The following COL4A3 variants were observed in gnomAD, a reference collection of about 807,000 sequenced individuals.
COL4A3 encodes collagen type IV alpha 3 chain.
In COL4A3, 135 loss-of-function variants were observed where a neutral mutation model predicts 217.4. That is an observed-to-expected ratio of 0.62 (90% CI 0.54 to 0.72). COL4A3 has a LOEUF of 0.72. COL4A3 is among the 30% of genes least tolerant of loss of function. The probability of loss-of-function intolerance (pLI) is 0.00; values close to 1 mark genes in which losing one functional copy is unlikely to be tolerated. For synonymous variants in COL4A3, 690 were observed against 736.3 expected (o/e 0.94, Z 1.02); for missense variants, 1,868 against 2,119.9 (o/e 0.88, Z 2.33).
In COL4A3 at chr2:227,251,357, C is replaced by G. The variant is rs768853275; in HGVS notation, c.631C>G (p.Pro211Ala). ...GFFGFPGAMG[P>A]RGPKGHMGER... ...CTAGGGCTTTCCAGGAGCCATGGGA[C>G]CTAGAGGACCTAAGGTAGACTACAG... Residue 211 changes from proline to alanine, a missense_variant, in exon 11 of 52, where the codon CCT becomes GCT. By Grantham distance (27) the Pro-to-Ala change is conservative. Around this residue, in one of 2 missense-constraint regions of COL4A3, gnomAD observed 365 missense variants for 333.8 expected, o/e 1.09. Coordinates refer to ENST00000396578, the MANE Select transcript of COL4A3 (RefSeq NM_000091.5). 1.2e-6 allele frequency: 2 copies of G among 1,612,950 alleles called. No individual in the cohort carries two copies. The highest frequency in any genetic ancestry group is 1.1e-5 in the South Asian group (1 of 91,006).
At chr2:227,243,403 A>T (rs903413249) in intron 3 of COL4A3, among the ~76,000 whole-genome samples, 1 of 152,192 alleles carries the variant, frequency 6.6e-6, no homozygotes, top group African/African-American at 2.4e-5. Context: ...TGTTTTCTGC[A>T]TGAAAAAAGT....
rs2070750110 is a variant in COL4A3 at position 227,264,070 on chromosome 2, C to T, written c.1315+126C>T. The T allele has an allele frequency of 1.2e-5, 12 of 1,014,818 alleles. No individual in the cohort carries two copies. The Middle Eastern group carries it at 7.9e-4, about 67-fold the overall frequency. The allele number at this position is 1,014,818 out of a possible 1,614,324, so 62.9% of individuals were successfully genotyped here. On this transcript the variant is annotated intron_variant, in intron 21 of 51. Coordinates refer to ENST00000396578, the MANE Select transcript of COL4A3 (RefSeq NM_000091.5). Reference sequence around the variant, plus strand: ...GTGTGGTTTTTATGAGTTACCTTTCCAATGGTCTTCATTTCACTAACTGTC... The same window carrying T: ...GTGTGGTTTTTATGAGTTACCTTTCTAATGGTCTTCATTTCACTAACTGTC...
intron 1 of COL4A3, among the ~76,000 whole-genome samples, chr2:227,229,884 T>TAA (rs111242341): frequency 6.6e-5 from 10 of 150,750 alleles, no homozygotes; most frequent in Non-Finnish European, 7.4e-5. Context: ...CTGTGTCTAC[T>TAA]AAAAAAAATA....
At position 227,312,077 on chromosome 2, in the gene COL4A3, G is replaced by C; in HGVS notation, c.*207G>C. 2.4e-6 allele frequency: 2 copies of C among 829,332 alleles called. No individual in the cohort carries two copies. The highest frequency in any genetic ancestry group is 3.6e-6 in the Non-Finnish European group (2 of 548,504). 51.4% of individuals were successfully genotyped at this position (829,332 alleles called of 1,614,324 possible). On this transcript the variant is annotated 3_prime_UTR_variant, in exon 52 of 52. Coordinates refer to ENST00000396578, the MANE Select transcript of COL4A3 (RefSeq NM_000091.5). Reference sequence around the variant, plus strand: ...GGTCTCTAATCTGTGCTGTTTCAAAGTTCTCTGTGGCAAAGCAGCAACTAT... The same window carrying C: ...GGTCTCTAATCTGTGCTGTTTCAAACTTCTCTGTGGCAAAGCAGCAACTAT...
Position 227,250,309 on chromosome 2 carries a change from C to T in COL4A3, c.547-831C>T, listed in dbSNP as rs1257907548. 6.6e-6 allele frequency among the ~76,000 whole-genome samples: 1 copy of T among 150,996 alleles called. No homozygotes were observed. The highest frequency in any genetic ancestry group is 1.5e-5 in the Non-Finnish European group (1 of 67,872). Reference sequence around the variant, plus strand: ...GCCTGAGGACAGAATGAGACTCTGTCTCAAAAAAATAGGTAGATAGATAAA... The same window carrying T: ...GCCTGAGGACAGAATGAGACTCTGTTTCAAAAAAATAGGTAGATAGATAAA... On this transcript the variant is annotated intron_variant, in intron 9 of 51. Coordinates refer to ENST00000396578, the MANE Select transcript of COL4A3 (RefSeq NM_000091.5). This position sits in a 1 kb window ranked among gnomAD's most constrained non-coding sequence, Gnocchi z 4.1.
At chr2:227,255,966 G>A (rs369344641) in intron 15 of COL4A3, 60 bp from the exon 16 acceptor site, 72 of 1,532,216 alleles carry the variant, frequency 4.7e-5, no homozygotes, top group South Asian at 1.7e-4. Flanking sequence ...TAAGATTTCC[G>A]TATTTGTAAA....
intron 33 of COL4A3, 132 bp from the exon 34 acceptor site, chr2:227,284,079 T>C: frequency 7.8e-7 from 1 of 1,273,972 alleles, no homozygotes. Flanking sequence ...GGGAAACTAT[T>C]TATCAAGTTC....
rs2070431377 is a variant in COL4A3, at chr2:227,259,811, T to C, written c.1048T>C (p.Tyr350His). ...FRGPTEYYDT[Y>H]QEKGDEGTPG... is the part of the protein sequence containing the mutation. Reference sequence around the variant, plus strand: ...CTCTAAGACAGAATATTATGACACATACCAGGAAAAGGGAGATGAAGGCAC... The same window carrying C: ...CTCTAAGACAGAATATTATGACACACACCAGGAAAAGGGAGATGAAGGCAC... The change falls in exon 19 of 52, where the codon TAC becomes CAC. Residue 350 changes from tyrosine (Y) to histidine (H), a missense_variant. Tyr to His is a moderately conservative substitution (Grantham distance 83, BLOSUM62 2). Around this residue, in one of 2 missense-constraint regions of COL4A3, gnomAD observed 1,503 missense variants for 1,786.1 expected, o/e 0.84. Transcript: ENST00000396578. The C allele has an allele frequency of 5.0e-6, 8 of 1,612,666 alleles. No homozygotes were observed. The highest frequency in any genetic ancestry group is 1.7e-4 in the Middle Eastern group (1 of 6,060).
chr2:227,184,989 C>T (rs1431920211), intron 1 of COL4A3, among the ~76,000 whole-genome samples: 2 of 148,910 alleles, frequency 1.3e-5, no homozygotes, highest in African/African-American at 4.9e-5. Flanking sequence ...GCAAGCTCCG[C>T]CTCCCAGGTT....
intron 1 of COL4A3, among the ~76,000 whole-genome samples, chr2:227,198,013 T>C (rs10498215): frequency 0.056 from 8,568 of 152,302 alleles, 254 homozygotes; most frequent in Middle Eastern, 0.078. Flanking sequence ...GGAAATCGTG[T>C]TTATGCAGAG....
At chr2:227,249,230 A>ATATATTTTTTTTTTTTTTTTTTTTT in intron 9 of COL4A3, among the ~76,000 whole-genome samples, 1 of 14,690 alleles carries the variant, frequency 6.8e-5, no homozygotes, top group African/African-American at 2.7e-4. Context: ...ATATATATAT[A>ATATATTTTTTTTTTTTTTTTTTTTT]TTTTTTTTTT....
chr2:227,191,557 G>A lies in COL4A3; in HGVS notation c.87+26744G>A, dbSNP rs1367090043. Among the ~76,000 whole-genome samples, 8 of 152,088 alleles carry A rather than the reference G, an allele frequency of 5.3e-5. No individual in the cohort carries two copies. Among genetic ancestry groups the A allele is most frequent in the African/African-American group, 1.9e-4 (8 of 41,394 alleles). On this transcript the variant is annotated intron_variant, in intron 1 of 51. Transcript: ENST00000396578. The surrounding 1 kb of genome is among the most constrained non-coding windows in gnomAD (Gnocchi z 6.8). Reference sequence around the variant, plus strand: ...TCAAGGATTCAAAGAACCTGCCAAGGGGCTGCAATGGGAGATTACAGTGAC... The same window carrying A: ...TCAAGGATTCAAAGAACCTGCCAAGAGGCTGCAATGGGAGATTACAGTGAC...
intron 37 of COL4A3, among the ~76,000 whole-genome samples, chr2:227,291,289 C>A (rs1332979910): frequency 6.6e-6 from 1 of 152,080 alleles, no homozygotes; most frequent in African/African-American, 2.4e-5. Flanking sequence ...GTCGGCCGGG[C>A]GCGGTGGCTC....
At chr2:227,307,313 A>G (rs1189610421) in intron 47 of COL4A3, among the ~76,000 whole-genome samples, 2 of 152,220 alleles carry the variant, frequency 1.3e-5, no homozygotes, top group African/African-American at 4.8e-5. Context: ...ACCATAAGTA[A>G]TTTTTGTTAT....
chr2:227,298,027 C>T (rs2073107983), intron 42 of COL4A3, among the ~76,000 whole-genome samples, 168 bp downstream of exon 42: 3 of 152,190 alleles, frequency 2.0e-5, no homozygotes, highest in Admixed American at 2.0e-4. Flanking sequence ...GGCAAGGTAG[C>T]CTGTTTGAGG....
At chr2:227,276,236 C>T (rs2071552675) in intron 26 of COL4A3, 149 bp from the exon 27 acceptor site, 2 of 681,886 alleles carry the variant, frequency 2.9e-6, no homozygotes, top group Admixed American at 2.2e-5. Context: ...GCTGGTCGTC[C>T]TTAAGCTAGT....
chr2:227,195,705 G>GTGTGTGTT (rs2066447323), intron 1 of COL4A3, among the ~76,000 whole-genome samples: 1 of 151,284 alleles, frequency 6.6e-6, no homozygotes, highest in African/African-American at 2.4e-5. Flanking sequence ...GTATGTGTGT[G>GTGTGTGTT]TGTATGCTGT....
At chr2:227,244,698 C>A in intron 4 of COL4A3, 1 of 655,316 alleles carries the variant, frequency 1.5e-6, no homozygotes, top group Admixed American at 2.5e-5. Context: ...TCATTGCATG[C>A]AAATTGTACC....
At chr2:227,294,015 A>G (rs1574815215) in intron 38 of COL4A3, 1 of 313,704 alleles carries the variant, frequency 3.2e-6, no homozygotes, top group East Asian at 8.6e-5. Context: ...TGGGGACAAC[A>G]CAATTCAAAC....
Sources: allele counts gnomAD v4.1 joint callset (sites outside exome capture counted in the v4.1 genomes callset), GRCh38; gene constraint gnomAD v4.1.1; regional missense constraint gnomAD v4.1.1; non-coding constraint Gnocchi (gnomAD v3.1); transcripts MANE v1.5; gene names NCBI Gene and HGNC (gene_info 2026-07-23, HGNC 2026-07-21).